CBL: variants seen among roughly 807,000 people sequenced by gnomAD.
CBL encodes E3 ubiquitin-protein ligase CBL.
In CBL, 45 loss-of-function variants were observed where a neutral mutation model predicts 96.9. The ratio of observed to expected loss-of-function variants is 0.46; its 90% confidence interval spans 0.37 to 0.60. The LOEUF is 0.60. Among genes scored for constraint, CBL ranks in the 20% least tolerant of loss-of-function variants. The pLI, the probability that CBL is intolerant of heterozygous loss-of-function variation, is 0.00. For synonymous variants in CBL, 420 were observed against 426.8 expected (o/e 0.98, Z 0.20); for missense variants, 1,024 against 1,143.5 (o/e 0.90, Z 1.51).
At chr11:119,219,065 T>A (rs1020231862) in intron 1 of CBL, among the ~76,000 whole-genome samples, 1 of 151,728 alleles carries the variant, frequency 6.6e-6, no homozygotes. Flanking sequence ...TAAAAAAAAA[T>A]TTTGAAGAAG....
chr11:119,251,975 A>G (rs1305306360), intron 2 of CBL, among the ~76,000 whole-genome samples: 3 of 152,178 alleles, frequency 2.0e-5, no homozygotes, highest in South Asian at 2.1e-4. Flanking sequence ...AAAGCCAACA[A>G]ATGCCTGCTA....
rs137975684 is a variant in CBL at position 119,246,263 on chromosome 11, G to A, written c.443+13568G>A. On this transcript the variant is annotated intron_variant, in intron 2 of 15. Coordinates refer to ENST00000264033, the MANE Select transcript of CBL (RefSeq NM_005188.4). ...GCTGGGATTACAGGTGCGAACCACCGCGCCCGGCCTTACAAATCTTTTTAA... is the reference window on the plus strand; with the variant it reads ...GCTGGGATTACAGGTGCGAACCACCACGCCCGGCCTTACAAATCTTTTTAA... 5.5e-3 allele frequency among the ~76,000 whole-genome samples: 831 copies of A among 151,888 alleles called. 3 individuals are homozygous for A. Among genetic ancestry groups the A allele is most frequent in the African/African-American group, 0.018 (729 of 41,416 alleles).
At chr11:119,271,376 T>A (rs1205618882) in intron 2 of CBL, among the ~76,000 whole-genome samples, 1 of 152,244 alleles carries the variant, frequency 6.6e-6, no homozygotes, top group African/African-American at 2.4e-5. Context: ...ATTTTTTCTC[T>A]TGTTTACTTC....
In CBL at chr11:119,278,541, G is replaced by T. The variant is rs267606708; in HGVS notation, c.1259G>T (p.Arg420Leu). Residue 420 changes from arginine (R) to leucine (L), a missense_variant, in exon 9 of 16, where the codon CGA (arginine) becomes CTA (leucine). Transcript: ENST00000264033. ...GAAGGTCAGGGCTGTCCTTTCTGCCGATGTGAAATTAAAGGTACTGAACCC... is the reference window on the plus strand; with the variant it reads ...GAAGGTCAGGGCTGTCCTTTCTGCCTATGTGAAATTAAAGGTACTGAACCC... ...ESEGQGCPFC[R>L]CEIKGTEPIV... 1.2e-6 allele frequency: 2 copies of T among 1,614,084 alleles called. No individual in the cohort carries two copies. Among genetic ancestry groups the T allele is most frequent in the Non-Finnish European group, 1.7e-6 (2 of 1,179,984 alleles).
intron 11 of CBL, 147 bp from the exon 12 acceptor site, chr11:119,287,705 A>G (rs922825680): frequency 1.7e-5 from 12 of 687,174 alleles, no homozygotes; most frequent in Non-Finnish European, 2.1e-5. Flanking sequence ...TAAGGCCCCT[A>G]AGCGTTTGGT....
chr11:119,207,172 TA>T (rs1949277507), intron 1 of CBL, among the ~76,000 whole-genome samples: 1 of 152,060 alleles, frequency 6.6e-6, no homozygotes, highest in African/African-American at 2.4e-5. Context: ...AACACGAAGA[TA>T]AAAGACATAT....
intron 6 of CBL, among the ~76,000 whole-genome samples, chr11:119,277,008 G>A (rs1949893880): frequency 6.6e-6 from 1 of 152,188 alleles, no homozygotes; most frequent in African/African-American, 2.4e-5. Context: ...CACTTTGGGA[G>A]GCCGAGACGG....
rs2135266151 is a variant in CBL, at chr11:119,232,480, G to A, written c.228G>A (p.Ala76=). 1.9e-6 allele frequency: 3 copies of A among 1,613,848 alleles called. No homozygotes were observed. Among genetic ancestry groups the A allele is most frequent in the African/African-American group, 2.7e-5 (2 of 75,026 alleles). Residue 76 remains alanine (A), a synonymous_variant, in exon 2 of 16, where the codon GCG becomes GCA. Coordinates refer to ENST00000264033, the MANE Select transcript of CBL (RefSeq NM_005188.4). ...VVRLCQNPKL[A]LKNSPPYILD... The stretch of plus-strand genomic sequence containing the variant: ...GGTTGTGTCAGAACCCAAAGCTGGC[G>A]CTAAAGAATAGCCCACCTTATATCT...
chr11:119,262,176 A>G (rs1302939792), intron 2 of CBL, among the ~76,000 whole-genome samples: 2 of 152,250 alleles, frequency 1.3e-5, no homozygotes, highest in African/African-American at 2.4e-5. Context: ...TCAAAATATC[A>G]GAAAGACAGA....
In CBL at chr11:119,285,087, G is replaced by T. The variant is rs770161679; in HGVS notation, c.1550G>T (p.Gly517Val). ...VCVPSSASALGTASKAASGSL... is the reference protein window; with the variant it reads ...VCVPSSASALVTASKAASGSL... ...GTTCCCTCAAGTGCTTCTGCTCTTG[G>T]AACTGCTTCTAAGGTAAAGCATTTT... The change falls in exon 10 of 16, where the codon GGA becomes GTA. Residue 517 changes from glycine to valine, a missense_variant. By Grantham distance (109) the Gly-to-Val change is moderately radical. This residue lies in a region of CBL where 695 missense variants were observed against 661.6 expected (regional missense o/e 1.05). Coordinates refer to ENST00000264033, the MANE Select transcript of CBL (RefSeq NM_005188.4). 1 of 1,614,100 alleles carries T rather than the reference G, an allele frequency of 6.2e-7. No individual in the cohort carries two copies. The highest frequency in any genetic ancestry group is 8.5e-7 in the Non-Finnish European group (1 of 1,180,018).
At chr11:119,252,884 GAAA>G (rs760152540) in intron 2 of CBL, among the ~76,000 whole-genome samples, 1 of 68,584 alleles carries the variant, frequency 1.5e-5, no homozygotes. Context: ...TCCATCTCAA[GAAA>G]AAAAAAAAAA....
chr11:119,274,053 G>T (rs2135299227), intron 4 of CBL, 29 bp downstream of exon 4: 1 of 1,566,538 alleles, frequency 6.4e-7, no homozygotes, highest in Non-Finnish European at 8.8e-7. Context: ...TGACTAAACT[G>T]GTTACTGCTA....
chr11:119,282,535 C>CT (rs976494034), intron 9 of CBL, among the ~76,000 whole-genome samples: 7 of 152,122 alleles, frequency 4.6e-5, no homozygotes, highest in Admixed American at 4.6e-4. Flanking sequence ...GCAGGAAACA[C>CT]TGAGGAGATG....
chr11:119,280,260 G>T (rs562145299), intron 9 of CBL, among the ~76,000 whole-genome samples: 59 of 152,300 alleles, frequency 3.9e-4, no homozygotes, highest in South Asian at 2.3e-3. Context: ...TGTGATAGAG[G>T]GGAGGTTATA....
intron 14 of CBL, among the ~76,000 whole-genome samples, chr11:119,298,138 A>G (rs972068494): frequency 1.3e-5 from 2 of 152,218 alleles, no homozygotes; most frequent in Non-Finnish European, 2.9e-5. Flanking sequence ...GTCAAGAATA[A>G]CCTTTGGCAT....
Position 119,285,315 on chromosome 11 carries a change from C to T in CBL, c.1690C>T (p.Pro564Ser). ...AGCAGAATCCCGACCTCAAAGACGC[C>T]CCTTGCCTTGTACACCAGGCGACTG... ...VGAESRPQRR[P>S]LPCTPGDCPS... is the part of the protein sequence containing the mutation. The change falls in exon 11 of 16, where the codon CCC (proline) becomes TCC (serine). Residue 564 changes from proline to serine, a missense_variant. Coordinates refer to ENST00000264033, the MANE Select transcript of CBL (RefSeq NM_005188.4). 1 of 1,614,150 alleles carries T rather than the reference C, an allele frequency of 6.2e-7. No individual in the cohort carries two copies. The highest frequency in any genetic ancestry group is 8.5e-7 in the Non-Finnish European group (1 of 1,180,026).
At chr11:119,262,869 A>C (rs1437008222) in intron 2 of CBL, among the ~76,000 whole-genome samples, 2 of 152,208 alleles carry the variant, frequency 1.3e-5, no homozygotes, top group African/African-American at 4.8e-5. Context: ...AAGAATGGGC[A>C]GGATTTAGTA....
Position 119,307,877 on chromosome 11 carries a change from T to A in CBL, c.*8096T>A, listed in dbSNP as rs1035178949. On this transcript the variant is annotated 3_prime_UTR_variant, in exon 16 of 16. Transcript: ENST00000264033. The stretch of plus-strand genomic sequence containing the variant: ...AAAAATGTGTCATTAATATAAAAAA[T>A]TTATATTAGCAGTATTTAATCATTC... 5.0e-6 allele frequency: 1 copy of A among 201,790 alleles called. No individual in the cohort carries two copies. Among genetic ancestry groups the A allele is most frequent in the Non-Finnish European group, 1.0e-5 (1 of 97,874 alleles). The allele number at this position is 201,790 out of a possible 1,614,324, so 12.5% of individuals were successfully genotyped here.
chr11:119,209,486 G>A (rs1267122086), intron 1 of CBL, among the ~76,000 whole-genome samples: 1 of 152,174 alleles, frequency 6.6e-6, no homozygotes, highest in East Asian at 1.9e-4. Flanking sequence ...GGGTGTGGTG[G>A]CAGACGCCTG....
Sources: allele counts gnomAD v4.1 joint callset (sites outside exome capture counted in the v4.1 genomes callset), GRCh38; gene constraint gnomAD v4.1.1; regional missense constraint gnomAD v4.1.1; transcripts MANE v1.5; gene names NCBI Gene and HGNC (gene_info 2026-07-23, HGNC 2026-07-21).